The following MTA3 variants were observed in gnomAD, a reference collection of about 807,000 sequenced individuals.
The protein encoded by MTA3 is metastasis associated 1 family member 3, also known as metastasis-associated protein MTA3.
A neutral mutation model predicts 83.5 loss-of-function variants in MTA3; 34 were observed. The ratio of observed to expected loss-of-function variants is 0.41; its 90% CI spans 0.31 to 0.54. The LOEUF is 0.54. Ranked by LOEUF, MTA3 falls within the 20% of genes least tolerant of loss-of-function variation. MTA3 has a pLI of 0.33. For missense variants in MTA3, 761 were observed against 726.4 expected, an observed-to-expected ratio of 1.05 and a Z score of -0.55; for synonymous variants, 303 against 252.7, an observed-to-expected ratio of 1.20 and a Z score of -1.89.
intron 2 of MTA3, among the ~76,000 whole-genome samples, chr2:42,547,522 G>C (rs145257800): frequency 0.012 from 1,871 of 152,270 alleles, 31 homozygotes; most frequent in African/African-American, 0.042. Flanking sequence ...GTAGAGTCAG[G>C]GTTTCACCAT....
At chr2:42,586,511 C>CAA (rs1553350262) in intron 3 of MTA3, among the ~76,000 whole-genome samples, 3 of 144,130 alleles carry the variant, frequency 2.1e-5, no homozygotes, top group Non-Finnish European at 4.6e-5. Context: ...CACACACACA[C>CAA]ACAAACACAC....
chr2:42,549,362 CGTATATACGTATATAAAATATAT>C (rs1156319991), intron 2 of MTA3, among the ~76,000 whole-genome samples: 83 of 106,594 alleles, frequency 7.8e-4, no homozygotes, highest in Admixed American at 1.6e-3. Flanking sequence ...TACATATATA[CGTATATACGTATATAAAATATAT>C]GTATATATTA....
At chr2:42,661,365 G>A (rs1358969587) in intron 8 of MTA3, among the ~76,000 whole-genome samples, 3 of 151,944 alleles carry the variant, frequency 2.0e-5, no homozygotes, top group Non-Finnish European at 4.4e-5. Context: ...GCTGGGTGTG[G>A]TGGCATGCGC....
intron 2 of MTA3, among the ~76,000 whole-genome samples, chr2:42,576,504 C>T (rs1679042451): frequency 6.6e-6 from 1 of 152,186 alleles, no homozygotes; most frequent in Middle Eastern, 3.2e-3. Context: ...GTGGCTCAGG[C>T]CTGTAGTCCC....
chr2:42,705,742 C>G (rs1666026502), intron 12 of MTA3, among the ~76,000 whole-genome samples: 1 of 152,040 alleles, frequency 6.6e-6, no homozygotes, highest in Non-Finnish European at 1.5e-5. Context: ...CTTGCAAACC[C>G]CTTTCACACT....
rs186305013 is a variant in MTA3 at position 42,577,825 on chromosome 2, C to A, written c.97-1282C>A. On this transcript the variant is annotated intron_variant, in intron 2 of 16. Transcript: ENST00000405094. ...AGAGACAAAAATCACATTGAAAATC[C>A]AAAGCAGCAGTTTCAAGGCATATCT... Among the ~76,000 whole-genome samples the A allele has an allele frequency of 4.7e-3, 712 of 152,172 alleles. 15 individuals carry two copies. Among genetic ancestry groups the A allele is most frequent in the Admixed American group, 0.04 (603 of 15,264 alleles).
intron 2 of MTA3, among the ~76,000 whole-genome samples, chr2:42,553,680 A>C (rs1572972484): frequency 6.6e-6 from 1 of 151,550 alleles, no homozygotes; most frequent in Non-Finnish European, 1.5e-5. Flanking sequence ...GGTTGCAGTG[A>C]GCCGAGATCA....
intron 4 of MTA3, among the ~76,000 whole-genome samples, chr2:42,624,872 T>G (rs1038695161): frequency 6.6e-6 from 1 of 152,190 alleles, no homozygotes; most frequent in African/African-American, 2.4e-5. Flanking sequence ...AACATGAGTT[T>G]TATACCACAT....
chr2:42,557,302 A>G (rs1677443761), intron 2 of MTA3, among the ~76,000 whole-genome samples: 1 of 151,690 alleles, frequency 6.6e-6, no homozygotes, highest in African/African-American at 2.4e-5. Flanking sequence ...AAAAATTTAA[A>G]AATTAAGAAA....
At position 42,619,775 on chromosome 2, in the gene MTA3, A is replaced by C. The variant is rs1685325796; in HGVS notation, c.317+10191A>C. On this transcript the variant is annotated intron_variant, in intron 4 of 16. Transcript: ENST00000405094. ...CTTTTTCCGAGGGTTTATGAAATCA[A>C]GACTATTTTCATAACAGTAAGATGT... is the stretch of plus-strand genomic sequence containing the variant. 2.0e-5 allele frequency among the ~76,000 whole-genome samples: 3 copies of C among 152,330 alleles called. No homozygotes were observed. In the South Asian group the frequency reaches 6.2e-4, roughly 32 times the overall value.
chr2:42,753,707 G>T lies in MTA3; in HGVS notation c.*308G>T, dbSNP rs1369569035. The T allele has an allele frequency of 5.0e-6, 6 of 1,205,668 alleles. No homozygotes were observed. The highest frequency in any genetic ancestry group is 6.2e-6 in the Non-Finnish European group (6 of 961,732). 74.7% of individuals were successfully genotyped at this position (1,205,668 alleles called of 1,614,324 possible). On this transcript the variant is annotated 3_prime_UTR_variant, in exon 17 of 17. Coordinates refer to ENST00000405094, the MANE Select transcript of MTA3 (RefSeq NM_001330442.2). ...CCTCCTCCCTTCTGCAGCGCCCTGCGCCCCACCCAGCAACAGCGGCCACTT... is the reference window on the plus strand; with the variant it reads ...CCTCCTCCCTTCTGCAGCGCCCTGCTCCCCACCCAGCAACAGCGGCCACTT...
chr2:42,558,798 G>T (rs1248477634), intron 2 of MTA3, among the ~76,000 whole-genome samples: 2 of 150,682 alleles, frequency 1.3e-5, no homozygotes, highest in African/African-American at 4.9e-5. Flanking sequence ...CATGCAATCC[G>T]CCTGCCTCAG....
intron 4 of MTA3, among the ~76,000 whole-genome samples, chr2:42,634,275 G>A (rs1258679312): frequency 6.6e-6 from 1 of 152,138 alleles, no homozygotes; most frequent in African/African-American, 2.4e-5. Flanking sequence ...TTTTAATTAG[G>A]TATTTTAATT....
chr2:42,689,780 TTTTTTTC>T (rs1334038566), intron 9 of MTA3, among the ~76,000 whole-genome samples: 1 of 151,220 alleles, frequency 6.6e-6, no homozygotes, highest in African/African-American at 2.4e-5. Flanking sequence ...TGTCTTTTTT[TTTTTTTC>T]TTTTTTCTTG....
intron 2 of MTA3, among the ~76,000 whole-genome samples, chr2:42,533,623 G>T (rs1240624773): frequency 1.3e-5 from 2 of 149,348 alleles, no homozygotes; most frequent in African/African-American, 2.4e-5. Flanking sequence ...CACGAGGTTA[G>T]GAGATCGAGA....
chr2:42,649,210 C>A (rs1688482522), intron 6 of MTA3, among the ~76,000 whole-genome samples: 1 of 152,144 alleles, frequency 6.6e-6, no homozygotes, highest in South Asian at 2.1e-4. Flanking sequence ...GTTTGACCAA[C>A]CACGGTGAAA....
intron 3 of MTA3, among the ~76,000 whole-genome samples, chr2:42,594,720 A>ATTT: frequency 2.7e-5 from 1 of 37,380 alleles, no homozygotes; most frequent in African/African-American, 1.9e-4. Flanking sequence ...ATATATATAT[A>ATTT]TATATATATT....
At chr2:42,581,450 G>A (rs75472182) in intron 3 of MTA3, among the ~76,000 whole-genome samples, 1 of 142,888 alleles carries the variant, frequency 7.0e-6, no homozygotes, top group African/African-American at 2.6e-5. Context: ...GCTCACTGCA[G>A]CCTTGAATCA....
At chr2:42,537,862 T>C (rs182719439) in intron 2 of MTA3, among the ~76,000 whole-genome samples, 213 of 152,270 alleles carry the variant, frequency 1.4e-3, no homozygotes, top group African/African-American at 4.6e-3. Context: ...TTAGGAGATA[T>C]ATGTTGAGGT....
Sources: gnomAD v4.1 joint callset for allele counts (sites outside exome capture counted in the v4.1 genomes callset) on GRCh38, gnomAD v4.1.1 for gene constraint, MANE v1.5 for transcripts, NCBI Gene and HGNC (gene_info 2026-07-23, HGNC 2026-07-21) for gene names.